The following TEAD1 variants were observed in gnomAD, a reference collection of about 807,000 sequenced individuals.
TEAD1 encodes TEA domain transcription factor 1.
TEAD1 carries 9 observed loss-of-function variants against 54.9 expected under a neutral mutation model. The ratio of observed to expected loss-of-function variants is 0.16; its 90% CI spans 0.10 to 0.29. TEAD1 has a LOEUF of 0.29. Ranked by LOEUF, TEAD1 falls within the 10% of genes least tolerant of loss-of-function variation. The pLI is 1.00. For missense variants in TEAD1, 387 were observed against 535.9 expected (o/e 0.72, Z 2.74); for synonymous variants, 200 against 187.8 (o/e 1.07, Z -0.53).
chr11:12,677,921 A>G (rs1323499070), intron 2 of TEAD1, among the ~76,000 whole-genome samples: 1 of 152,220 alleles, frequency 6.6e-6, no homozygotes, highest in African/African-American at 2.4e-5. Flanking sequence ...TGCTGCCTGC[A>G]AATGAAAATT....
intron 2 of TEAD1, among the ~76,000 whole-genome samples, chr11:12,709,732 G>A (rs1374603277): frequency 3.9e-5 from 6 of 151,916 alleles, no homozygotes; most frequent in African/African-American, 9.7e-5. Flanking sequence ...TCTGTTGCCC[G>A]GGGTGGTCTT....
At chr11:12,745,767 A>G (rs7129341) in intron 2 of TEAD1, among the ~76,000 whole-genome samples, 3,485 of 152,166 alleles carry the variant, frequency 0.023, 150 homozygotes, top group African/African-American at 0.08. Context: ...AACTTAGCCC[A>G]TATTTTTCTG....
At chr11:12,801,346 C>G (rs1001456852) in intron 3 of TEAD1, among the ~76,000 whole-genome samples, 6 of 152,178 alleles carry the variant, frequency 3.9e-5, no homozygotes, top group Admixed American at 6.5e-5. Context: ...GACTAAAAAT[C>G]CCCTTTTCTC....
At chr11:12,737,742 A>G (rs974681219) in intron 2 of TEAD1, among the ~76,000 whole-genome samples, 15 of 152,208 alleles carry the variant, frequency 9.9e-5, no homozygotes, top group African/African-American at 3.6e-4. Context: ...TAGCAAATCA[A>G]AAATTCTTTT....
At chr11:12,930,817 T>A (rs1949000228) in intron 12 of TEAD1, among the ~76,000 whole-genome samples, 2 of 152,226 alleles carry the variant, frequency 1.3e-5, no homozygotes, top group Non-Finnish European at 2.9e-5. Flanking sequence ...CAGACATACC[T>A]TGACATGTTC....
Position 12,801,399 on chromosome 11 carries a change from G to A in TEAD1, c.202+36965G>A, listed in dbSNP as rs540088257. Reference sequence around the variant, plus strand: ...GCAGATGTAGAAACTAGAGCTAACAGCAGTTTTACCTCATCTTAAAGAAAA... The same window carrying A: ...GCAGATGTAGAAACTAGAGCTAACAACAGTTTTACCTCATCTTAAAGAAAA... On this transcript the variant is annotated intron_variant, in intron 3 of 12. Coordinates refer to ENST00000527636, the MANE Select transcript of TEAD1 (RefSeq NM_021961.6). Among the ~76,000 whole-genome samples, 21 of 152,286 alleles carry A rather than the reference G, an allele frequency of 1.4e-4. No individual in the cohort carries two copies. In the East Asian group the frequency reaches 3.5e-3, roughly 25 times the overall value.
At chr11:12,899,342 T>C (rs955529356) in intron 9 of TEAD1, among the ~76,000 whole-genome samples, 6 of 152,132 alleles carry the variant, frequency 3.9e-5, no homozygotes, top group Non-Finnish European at 5.9e-5. Flanking sequence ...CATTCCATTT[T>C]GTGTTTCTGA....
At chr11:12,757,968 C>T (rs4434987) in intron 2 of TEAD1, among the ~76,000 whole-genome samples, 5,992 of 151,944 alleles carry the variant, frequency 0.039, 385 homozygotes, top group African/African-American at 0.14. Flanking sequence ...TTAGTAGAGA[C>T]GGAGTTTCAC....
chr11:12,685,115 A>T (rs1459953011), intron 2 of TEAD1, among the ~76,000 whole-genome samples: 1 of 152,124 alleles, frequency 6.6e-6, no homozygotes, highest in Non-Finnish European at 1.5e-5. Flanking sequence ...AGCAGTTAAG[A>T]TTGCTTTGTG....
chr11:12,933,084 A>G (rs556801886), intron 12 of TEAD1, among the ~76,000 whole-genome samples: 7 of 152,312 alleles, frequency 4.6e-5, no homozygotes, highest in South Asian at 4.1e-4. Context: ...AGTACACTCT[A>G]TGCTGTTGGT....
chr11:12,869,096 G>T (rs1194047289), intron 5 of TEAD1, among the ~76,000 whole-genome samples: 1 of 152,142 alleles, frequency 6.6e-6, no homozygotes, highest in Non-Finnish European at 1.5e-5. Context: ...TAAGACTGGA[G>T]GAGCCTAAGG....
chr11:12,696,311 G>T (rs1193880789), intron 2 of TEAD1, among the ~76,000 whole-genome samples: 3 of 152,234 alleles, frequency 2.0e-5, no homozygotes, highest in Non-Finnish European at 4.4e-5. Flanking sequence ...TCTGAGCCAA[G>T]TTGAGTTAAA....
At chr11:12,754,270 C>A (rs971476086) in intron 2 of TEAD1, among the ~76,000 whole-genome samples, 4 of 152,202 alleles carry the variant, frequency 2.6e-5, no homozygotes, top group Admixed American at 6.5e-5. Context: ...TATCCAGCAT[C>A]CCAATGTTAT....
At chr11:12,875,625 T>C (rs1947839732) in intron 5 of TEAD1, among the ~76,000 whole-genome samples, 1 of 152,210 alleles carries the variant, frequency 6.6e-6, no homozygotes, top group Non-Finnish European at 1.5e-5. Context: ...TCAGAGTAGC[T>C]CGACCACAAA....
At chr11:12,716,205 C>T (rs1944058929) in intron 2 of TEAD1, among the ~76,000 whole-genome samples, 2 of 152,094 alleles carry the variant, frequency 1.3e-5, no homozygotes, top group African/African-American at 4.8e-5. Context: ...TCTCCACTGC[C>T]CTCCTTTTCT....
intron 10 of TEAD1, among the ~76,000 whole-genome samples, chr11:12,909,524 C>T (rs1187441193): frequency 4.4e-5 from 5 of 113,870 alleles, no homozygotes; most frequent in East Asian, 5.7e-4. Flanking sequence ...GGGCCTGTTG[C>T]GGGGTGGGGG....
intron 3 of TEAD1, among the ~76,000 whole-genome samples, chr11:12,846,063 G>A (rs1564961656): frequency 6.6e-6 from 1 of 152,364 alleles, no homozygotes; most frequent in East Asian, 1.9e-4. Context: ...TACACAGTGT[G>A]TGAATTATTG....
chr11:12,887,093 GT>G (rs1254187335), intron 9 of TEAD1, among the ~76,000 whole-genome samples: 1,290 of 9,458 alleles, frequency 0.14, 38 homozygotes, highest in African/African-American at 0.23. Context: ...TTTTTTTTTT[GT>G]TTGTTTTTTT....
At chr11:12,768,838 T>C (rs1211592912) in intron 3 of TEAD1, among the ~76,000 whole-genome samples, 1 of 152,198 alleles carries the variant, frequency 6.6e-6, no homozygotes, top group Non-Finnish European at 1.5e-5. Flanking sequence ...CAAAGCTTTC[T>C]GAGAAGTTTG....
Sources: gnomAD v4.1 joint callset for allele counts (sites outside exome capture counted in the v4.1 genomes callset) on GRCh38, gnomAD v4.1.1 for gene constraint, MANE v1.5 for transcripts, NCBI Gene and HGNC (gene_info 2026-07-23, HGNC 2026-07-21) for gene names.